Variants in SPRED1 observed in about 807,000 individuals in gnomAD.
The protein encoded by SPRED1 is sprouty-related, EVH1 domain-containing protein 1.
In SPRED1, 18 loss-of-function variants were observed where a neutral mutation model predicts 52.3. That is an observed-to-expected ratio of 0.34 (90% CI 0.24 to 0.51). The LOEUF (loss-of-function observed/expected upper bound fraction) is 0.51, where lower values mean the gene tolerates loss of function less well. Among genes scored for constraint, SPRED1 ranks in the 20% least tolerant of loss-of-function variants. The pLI is 0.97. For synonymous variants in SPRED1, 155 were observed against 179.7 expected (o/e 0.86, Z 1.10); for missense variants, 485 against 551.0 (o/e 0.88, Z 1.20).
intron 2 of SPRED1, among the ~76,000 whole-genome samples, chr15:38,319,143 C>A (rs1895550579): frequency 6.6e-6 from 1 of 152,016 alleles, no homozygotes; most frequent in Admixed American, 6.6e-5. Flanking sequence ...ATGTCTTCCC[C>A]TTTTTAACAA....
intron 1 of SPRED1, among the ~76,000 whole-genome samples, chr15:38,289,073 GT>G: frequency 6.6e-6 from 1 of 152,208 alleles, no homozygotes; most frequent in East Asian, 1.9e-4. Flanking sequence ...GGGAATCTGT[GT>G]TTTTAGTTAC....
chr15:38,336,568 T>TAC (rs558718088), intron 4 of SPRED1, among the ~76,000 whole-genome samples: 409 of 150,192 alleles, frequency 2.7e-3, no homozygotes, highest in African/African-American at 3.1e-3. Flanking sequence ...ATTATATATA[T>TAC]ACACACACAC....
At chr15:38,303,695 C>T (rs1389715484) in intron 2 of SPRED1, among the ~76,000 whole-genome samples, 1 of 151,920 alleles carries the variant, frequency 6.6e-6, no homozygotes, top group Admixed American at 6.5e-5. Context: ...TATAAATTTG[C>T]TAGTATTATT....
At chr15:38,335,700 A>C (rs1895899930) in intron 4 of SPRED1, among the ~76,000 whole-genome samples, 1 of 151,992 alleles carries the variant, frequency 6.6e-6, no homozygotes, top group Non-Finnish European at 1.5e-5. Flanking sequence ...AGTATCAGCT[A>C]CTATTTTGAG....
intron 5 of SPRED1, among the ~76,000 whole-genome samples, chr15:38,342,013 TATAGTTGG>T (rs1896040019): frequency 1.3e-5 from 2 of 150,740 alleles, no homozygotes; most frequent in Non-Finnish European, 3.0e-5. Context: ...TTAAACCATA[TATAGTTGG>T]GTTTGGGTTT....
intron 1 of SPRED1, among the ~76,000 whole-genome samples, chr15:38,258,374 T>G (rs1184247301): frequency 3.9e-5 from 6 of 152,194 alleles, no homozygotes; most frequent in Admixed American, 3.9e-4. Context: ...TAGAATATAA[T>G]TTTTAGTGGC....
At position 38,316,366 on chromosome 15, in the gene SPRED1, T is replaced by G. The variant is rs558614969; in HGVS notation, c.208-5875T>G. Among the ~76,000 whole-genome samples, 259 of 152,104 alleles carry G rather than the reference T, an allele frequency of 1.7e-3. 1 individual carries two copies. Among genetic ancestry groups the G allele is most frequent in the African/African-American group, 6.1e-3 (252 of 41,560 alleles). On this transcript the variant is annotated intron_variant, in intron 2 of 6. Transcript: ENST00000299084. ...CAGACAAAAACATAAAAAATAAAAA[T>G]AGATTTTAAAAGTTATTTTTGTTAC... is the stretch of plus-strand genomic sequence containing the variant.
At chr15:38,325,708 A>T (rs1361292884) in intron 4 of SPRED1, among the ~76,000 whole-genome samples, 1 of 151,396 alleles carries the variant, frequency 6.6e-6, no homozygotes, top group Non-Finnish European at 1.5e-5. Context: ...GTGGTGAGGA[A>T]CTGAAGCGTT....
At chr15:38,255,553 C>T (rs1255693427) in intron 1 of SPRED1, among the ~76,000 whole-genome samples, 1 of 152,138 alleles carries the variant, frequency 6.6e-6, no homozygotes, top group Non-Finnish European at 1.5e-5. Context: ...ATCAGTTTTA[C>T]TAGAGCCAGC....
At chr15:38,272,133 T>G (rs1400267863) in intron 1 of SPRED1, among the ~76,000 whole-genome samples, 3 of 152,330 alleles carry the variant, frequency 2.0e-5, no homozygotes, top group Admixed American at 2.0e-4. Context: ...GTACCACATT[T>G]CTTTAACCCA....
chr15:38,327,749 AATTGG>A, intron 4 of SPRED1, among the ~76,000 whole-genome samples: 1 of 152,216 alleles, frequency 6.6e-6, no homozygotes, highest in Non-Finnish European at 1.5e-5. Context: ...CACCCAGCTA[AATTGG>A]TCCCACATTT....
intron 1 of SPRED1, 106 bp from the exon 2 acceptor site, chr15:38,299,267 C>G: frequency 1.6e-6 from 2 of 1,227,152 alleles, no homozygotes; most frequent in South Asian, 2.4e-5. Context: ...ACACCTTAGT[C>G]ACCACATGTT....
intron 4 of SPRED1, among the ~76,000 whole-genome samples, chr15:38,331,737 G>A (rs750832889): frequency 1.1e-4 from 16 of 152,084 alleles, no homozygotes; most frequent in Non-Finnish European, 2.1e-4. Flanking sequence ...CCCAGTGTGG[G>A]CAGAGATGTA....
chr15:38,350,877 G>T (rs1223519932), intron 6 of SPRED1, 137 bp from the exon 7 acceptor site: 24 of 896,918 alleles, frequency 2.7e-5, no homozygotes, highest in Non-Finnish European at 4.0e-5. Flanking sequence ...CTGAAATGTT[G>T]ATCTCATCCC....
intron 1 of SPRED1, among the ~76,000 whole-genome samples, chr15:38,272,658 TA>T (rs1478442247): frequency 2.8e-4 from 42 of 152,338 alleles, no homozygotes; most frequent in African/African-American, 9.9e-4. Flanking sequence ...CAGCATTGTG[TA>T]AGTGTTCCTT....
chr15:38,319,292 G>C (rs1364115156), intron 2 of SPRED1, among the ~76,000 whole-genome samples: 1 of 152,128 alleles, frequency 6.6e-6, no homozygotes, highest in East Asian at 1.9e-4. Flanking sequence ...TGTTGTTGTT[G>C]CAAAATGGTT....
chr15:38,322,794 A>C (rs1040956711), intron 3 of SPRED1, among the ~76,000 whole-genome samples: 1 of 152,118 alleles, frequency 6.6e-6, no homozygotes, highest in Non-Finnish European at 1.5e-5. Flanking sequence ...AATTATATAG[A>C]ACTTGTAATA....
intron 5 of SPRED1, among the ~76,000 whole-genome samples, chr15:38,348,507 CT>C (rs576743853): frequency 4.1e-4 from 63 of 151,938 alleles, no homozygotes; most frequent in African/African-American, 1.5e-3. Context: ...ACTTTTAAAA[CT>C]GGGTCTGAAA....
chr15:38,285,173 C>T (rs1894778677), intron 1 of SPRED1, among the ~76,000 whole-genome samples: 1 of 151,988 alleles, frequency 6.6e-6, no homozygotes, highest in Non-Finnish European at 1.5e-5. Context: ...GGAAAAGCAC[C>T]ACCTCCAAAT....
Sources: allele counts gnomAD v4.1 joint callset (sites outside exome capture counted in the v4.1 genomes callset), GRCh38; gene constraint gnomAD v4.1.1; transcripts MANE v1.5; gene names NCBI Gene and HGNC (gene_info 2026-07-23, HGNC 2026-07-21).